NR6A1: variants seen among roughly 807,000 people sequenced by gnomAD.
NR6A1 encodes retinoic acid receptor-related testis-associated receptor.
A neutral mutation model predicts 59.1 loss-of-function variants in NR6A1; 7 were observed. The observed-to-expected ratio is 0.12, with a 90% CI of 0.07 to 0.22. NR6A1 has a LOEUF of 0.22. Among genes scored for constraint, NR6A1 ranks in the 10% least tolerant of loss-of-function variants. The probability of loss-of-function intolerance (pLI) is 1.00; values close to 1 mark genes in which losing one functional copy is unlikely to be tolerated. For missense variants in NR6A1, 468 were observed against 611.6 expected, an observed-to-expected ratio of 0.77 and a Z score of 2.48; for synonymous variants, 243 against 236.1, an observed-to-expected ratio of 1.03 and a Z score of -0.27.
chr9:124,598,673 G>T, intron 2 of NR6A1: 8 of 294,556 alleles, frequency 2.7e-5, no homozygotes, highest in Admixed American at 1.2e-4. Flanking sequence ...AAAAAAACAA[G>T]GAAGGGAAAG....
At chr9:124,667,026 A>G (rs1837644242) in intron 2 of NR6A1, among the ~76,000 whole-genome samples, 1 of 151,114 alleles carries the variant, frequency 6.6e-6, no homozygotes, top group African/African-American at 2.4e-5. Flanking sequence ...GAATATTACT[A>G]TTATCCACCC....
intron 2 of NR6A1, among the ~76,000 whole-genome samples, chr9:124,621,878 G>A (rs1836087167): frequency 1.3e-5 from 2 of 152,052 alleles, no homozygotes; most frequent in African/African-American, 4.8e-5. Flanking sequence ...GGCAATCATT[G>A]TGCTAAAAAG....
At chr9:124,617,064 G>T (rs1399346938) in intron 2 of NR6A1, among the ~76,000 whole-genome samples, 1 of 152,158 alleles carries the variant, frequency 6.6e-6, no homozygotes, top group Non-Finnish European at 1.5e-5. Context: ...CCTAAATACT[G>T]ATCAGTAGAG....
Position 124,519,701 on chromosome 9 carries a change from C to T in NR6A1, c.*3004G>A, listed in dbSNP as rs1832757831. 6.6e-6 allele frequency: 1 copy of T among 151,948 alleles called. No homozygotes were observed. The highest frequency in any genetic ancestry group is 1.5e-5 in the Non-Finnish European group (1 of 68,014). The allele number at this position is 151,948 out of a possible 1,614,324, so 9.4% of individuals were successfully genotyped here. ...GGATCACGAGGTCAGGAGATGGAGA[C>T]CATCCTGGCTAACGTGGTGAAACAA... On this transcript the variant is annotated 3_prime_UTR_variant, in exon 10 of 10. Coordinates refer to ENST00000487099, the MANE Select transcript of NR6A1 (RefSeq NM_033334.4).
At chr9:124,626,915 A>T (rs1836261787) in intron 2 of NR6A1, among the ~76,000 whole-genome samples, 1 of 152,176 alleles carries the variant, frequency 6.6e-6, no homozygotes, top group African/African-American at 2.4e-5. Flanking sequence ...GCCTGGTGGC[A>T]GAGTGAGACT....
chr9:124,746,613 A>G (rs936868305), intron 1 of NR6A1, among the ~76,000 whole-genome samples: 2 of 152,190 alleles, frequency 1.3e-5, no homozygotes, highest in African/African-American at 2.4e-5. Context: ...AAAAAAAACA[A>G]TAATTCCAAA....
In NR6A1 at chr9:124,748,390, TA is replaced by T. The variant is rs976027985; in HGVS notation, c.101-15042del. On this transcript the variant is annotated intron_variant, in intron 1 of 9. Coordinates refer to ENST00000487099, the MANE Select transcript of NR6A1 (RefSeq NM_033334.4). ...GGGTTATCAAGATTCTTAGATTTTT[TA>T]AAAAAAACTAGAAGGATAAACTATA... is the stretch of plus-strand genomic sequence containing the variant. Among the ~76,000 whole-genome samples, 159 of 152,164 alleles carry T rather than the reference TA, an allele frequency of 1.0e-3. 1 individual carries two copies. Among genetic ancestry groups the T allele is most frequent in the African/African-American group, 3.7e-3 (155 of 41,506 alleles).
rs530476357 is a variant in NR6A1 at position 124,614,115 on chromosome 9, A to C, written c.143-59545T>G. ...CCAGGTAGAGCTCAACAGTCCCAAG[A>C]GTTGAGGATTAGAAGCTGGGAGTCC... On this transcript the variant is annotated intron_variant, in intron 2 of 9. Coordinates refer to ENST00000487099, the MANE Select transcript of NR6A1 (RefSeq NM_033334.4). 2.3e-3 allele frequency among the ~76,000 whole-genome samples: 354 copies of C among 152,280 alleles called. 1 individual carries two copies. Among genetic ancestry groups the C allele is most frequent in the African/African-American group, 7.8e-3 (326 of 41,560 alleles).
At chr9:124,544,575 A>C (rs1833543468) in intron 3 of NR6A1, among the ~76,000 whole-genome samples, 1 of 152,198 alleles carries the variant, frequency 6.6e-6, no homozygotes, top group Non-Finnish European at 1.5e-5. Context: ...TGAGTCTTAA[A>C]GGTTAAGTAG....
At chr9:124,580,947 C>T (rs1217281210) in intron 2 of NR6A1, among the ~76,000 whole-genome samples, 1 of 152,070 alleles carries the variant, frequency 6.6e-6, no homozygotes, top group Non-Finnish European at 1.5e-5. Context: ...GACACACAGA[C>T]CAATTGAACA....
chr9:124,525,499 G>C (rs1832908472), intron 8 of NR6A1, among the ~76,000 whole-genome samples: 2 of 151,986 alleles, frequency 1.3e-5, no homozygotes, highest in Admixed American at 1.3e-4. Flanking sequence ...GGACTACAGG[G>C]TGTGTGCCAC....
At chr9:124,719,197 C>T (rs1839493622) in intron 2 of NR6A1, among the ~76,000 whole-genome samples, 2 of 151,568 alleles carry the variant, frequency 1.3e-5, no homozygotes, top group South Asian at 2.1e-4. Flanking sequence ...CCTCCCAGGA[C>T]CAAGTGATCC....
intron 2 of NR6A1, among the ~76,000 whole-genome samples, chr9:124,702,081 C>T (rs768966455): frequency 6.6e-6 from 1 of 152,114 alleles, no homozygotes; most frequent in Non-Finnish European, 1.5e-5. Flanking sequence ...TTCCCATTTT[C>T]TTAATAACGT....
chr9:124,624,024 T>C (rs895649670), intron 2 of NR6A1, among the ~76,000 whole-genome samples: 29 of 152,194 alleles, frequency 1.9e-4, no homozygotes, highest in African/African-American at 7.0e-4. Flanking sequence ...AGAGATAAAC[T>C]AAGGCTCAGA....
intron 3 of NR6A1, among the ~76,000 whole-genome samples, chr9:124,550,103 CTGTG>C (rs1193528258): frequency 1.3e-5 from 2 of 152,082 alleles, no homozygotes; most frequent in African/African-American, 4.8e-5. Flanking sequence ...ACTTACCTCT[CTGTG>C]TGTGTATATG....
chr9:124,648,707 T>C (rs1476964080), intron 2 of NR6A1, among the ~76,000 whole-genome samples: 1 of 134,398 alleles, frequency 7.4e-6, no homozygotes, highest in East Asian at 2.1e-4. Context: ...AAGATACTGC[T>C]AAAAAAAAAA....
chr9:124,552,435 T>A (rs1249311482), intron 3 of NR6A1, among the ~76,000 whole-genome samples: 2 of 152,066 alleles, frequency 1.3e-5, no homozygotes, highest in African/African-American at 2.4e-5. Context: ...TGTTCAGAAA[T>A]GAGTTAGAAA....
chr9:124,681,338 C>CTTTTTTTTTTT, intron 2 of NR6A1, among the ~76,000 whole-genome samples: 1 of 110,786 alleles, frequency 9.0e-6, no homozygotes, highest in Non-Finnish European at 1.9e-5. Context: ...AACATTTGAG[C>CTTTTTTTTTTT]TTTTTTTTTT....
intron 2 of NR6A1, among the ~76,000 whole-genome samples, chr9:124,668,987 C>CTACTTATG (rs1319356159): frequency 6.6e-6 from 1 of 152,130 alleles, no homozygotes; most frequent in African/African-American, 2.4e-5. Context: ...AGGGATCTCC[C>CTACTTATG]TAAGAAGACA....
Sources: gnomAD v4.1 joint callset for allele counts (sites outside exome capture counted in the v4.1 genomes callset) on GRCh38, gnomAD v4.1.1 for gene constraint, MANE v1.5 for transcripts, NCBI Gene and HGNC (gene_info 2026-07-23, HGNC 2026-07-21) for gene names.